The following ASIC2 variants were observed in gnomAD, a reference collection of about 807,000 sequenced individuals.
The protein encoded by ASIC2 is acid sensing ion channel subunit 2, also known as acid-sensing ion channel 2.
A neutral mutation model predicts 57.3 loss-of-function variants in ASIC2; 25 were observed. That is an observed-to-expected ratio of 0.44 (90% CI 0.32 to 0.61). The LOEUF is 0.61. Among genes scored for constraint, ASIC2 ranks in the 20% least tolerant of loss-of-function variants. The pLI, the probability that ASIC2 is intolerant of heterozygous loss-of-function variation, is 0.06. For missense variants in ASIC2, 641 were observed against 738.1 expected (o/e 0.87, Z 1.52); for synonymous variants, 319 against 307.5 (o/e 1.04, Z -0.39).
At chr17:33,751,362 A>AT (rs1480297479) in intron 1 of ASIC2, among the ~76,000 whole-genome samples, 2 of 151,516 alleles carry the variant, frequency 1.3e-5, no homozygotes, top group Non-Finnish European at 3.0e-5. Flanking sequence ...AAAACAAAGT[A>AT]TTTTGGTTTC....
chr17:33,156,052 A>C (rs1904992350), intron 1 of ASIC2, among the ~76,000 whole-genome samples: 1 of 152,114 alleles, frequency 6.6e-6, no homozygotes, highest in Non-Finnish European at 1.5e-5. Context: ...CACAGCTTTT[A>C]AAATCTGTCA....
intron 1 of ASIC2, among the ~76,000 whole-genome samples, chr17:33,320,986 C>T (rs1906847104): frequency 6.6e-6 from 1 of 152,278 alleles, no homozygotes; most frequent in Non-Finnish European, 1.5e-5. Context: ...TGGAAGGTCA[C>T]CTCATCACTT....
At chr17:33,602,373 C>T (rs1232369812) in intron 1 of ASIC2, among the ~76,000 whole-genome samples, 1 of 152,144 alleles carries the variant, frequency 6.6e-6, no homozygotes, top group Non-Finnish European at 1.5e-5. Context: ...AAATTAATGT[C>T]ATTATCCCAG....
At chr17:33,607,371 C>T (rs1316041455) in intron 1 of ASIC2, among the ~76,000 whole-genome samples, 2 of 152,116 alleles carry the variant, frequency 1.3e-5, no homozygotes, top group Admixed American at 1.3e-4. Flanking sequence ...CCTACTAGGG[C>T]CAGGCTCTGG....
intron 1 of ASIC2, among the ~76,000 whole-genome samples, chr17:34,079,647 T>C (rs976838932): frequency 3.3e-5 from 5 of 152,230 alleles, no homozygotes; most frequent in African/African-American, 1.2e-4. Context: ...AACACAGGAC[T>C]GACACCCAAA....
At chr17:33,585,068 C>T (rs1199679975) in intron 1 of ASIC2, among the ~76,000 whole-genome samples, 2 of 152,190 alleles carry the variant, frequency 1.3e-5, no homozygotes, top group African/African-American at 4.8e-5. Flanking sequence ...CAGCCTCCTT[C>T]CCTCCAGCCT....
intron 1 of ASIC2, among the ~76,000 whole-genome samples, chr17:33,878,461 C>T (rs1196137746): frequency 1.3e-5 from 2 of 152,116 alleles, no homozygotes; most frequent in East Asian, 3.9e-4. Flanking sequence ...GTGACAAATG[C>T]ACAAGCCTCA....
chr17:33,774,816 A>G (rs987787322), intron 1 of ASIC2, among the ~76,000 whole-genome samples: 1 of 152,206 alleles, frequency 6.6e-6, no homozygotes, highest in Non-Finnish European at 1.5e-5. Flanking sequence ...CCTAGACTGA[A>G]TATCTTTATG....
chr17:33,745,508 CAA>C (rs1009345844), intron 1 of ASIC2, among the ~76,000 whole-genome samples: 15 of 114,428 alleles, frequency 1.3e-4, no homozygotes, highest in African/African-American at 2.9e-4. Flanking sequence ...TGCTGAAAGT[CAA>C]AGTCAAAAAA....
At chr17:33,769,078 G>A (rs1911019209) in intron 1 of ASIC2, among the ~76,000 whole-genome samples, 1 of 152,152 alleles carries the variant, frequency 6.6e-6, no homozygotes, top group Admixed American at 6.5e-5. Flanking sequence ...AAAAGCTCGG[G>A]ACTCACTGAG....
chr17:34,122,795 G>A (rs1208348754), intron 1 of ASIC2, among the ~76,000 whole-genome samples: 1 of 152,192 alleles, frequency 6.6e-6, no homozygotes, highest in African/African-American at 2.4e-5. Context: ...TGCTCAGGGA[G>A]AGATAAATCA....
chr17:33,220,475 A>G lies in ASIC2; in HGVS notation c.708+70933T>C, dbSNP rs879304988. Among the ~76,000 whole-genome samples, 138 of 152,216 alleles carry G rather than the reference A, an allele frequency of 9.1e-4. 1 individual carries two copies. The highest frequency in any genetic ancestry group is 4.6e-4 in the Admixed American group (7 of 15,282). On this transcript the variant is annotated intron_variant, in intron 1 of 9. Transcript: ENST00000225823. ...TTGGGAGAAGTGAATACACCTGGAA[A>G]GGACAGGAGACTCGAGGCTTTGGGT...
chr17:33,268,392 T>G (rs1214406731), intron 1 of ASIC2, among the ~76,000 whole-genome samples: 1 of 151,452 alleles, frequency 6.6e-6, no homozygotes, highest in Non-Finnish European at 1.5e-5. Flanking sequence ...CATCCATCCA[T>G]CTATACATTT....
chr17:33,108,220 A>T (rs2092242852), intron 2 of ASIC2, among the ~76,000 whole-genome samples: 1 of 152,062 alleles, frequency 6.6e-6, no homozygotes, highest in Admixed American at 6.5e-5. Context: ...TGGTCATGCC[A>T]TTTTCTCTGT....
intron 3 of ASIC2, among the ~76,000 whole-genome samples, chr17:33,043,675 A>T (rs1370075016): frequency 6.6e-6 from 1 of 152,184 alleles, no homozygotes; most frequent in Non-Finnish European, 1.5e-5. Context: ...AACAGACAAA[A>T]CTTATTATGT....
intron 1 of ASIC2, among the ~76,000 whole-genome samples, chr17:33,530,362 AGCAT>A (rs1915013877): frequency 6.6e-6 from 1 of 152,226 alleles, no homozygotes; most frequent in Admixed American, 6.5e-5. Context: ...CTTTATTCCT[AGCAT>A]GCTTGGGCTG....
At chr17:33,190,179 T>C (rs1906357504) in intron 1 of ASIC2, among the ~76,000 whole-genome samples, 1 of 152,176 alleles carries the variant, frequency 6.6e-6, no homozygotes, top group Admixed American at 6.5e-5. Context: ...AATAAATGTG[T>C]TTAGTAAGGC....
intron 1 of ASIC2, among the ~76,000 whole-genome samples, chr17:34,018,274 G>C (rs1050250200): frequency 2.6e-5 from 4 of 152,156 alleles, no homozygotes; most frequent in Non-Finnish European, 5.9e-5. Flanking sequence ...TTTACAGCAT[G>C]GTTTACTGAA....
intron 1 of ASIC2, among the ~76,000 whole-genome samples, chr17:33,674,823 G>A (rs140506505): frequency 5.5e-4 from 84 of 152,272 alleles, no homozygotes; most frequent in South Asian, 4.1e-3. Context: ...GTAGCACAAA[G>A]AGCTCAGAAG....
Sources: allele counts gnomAD v4.1 joint callset (sites outside exome capture counted in the v4.1 genomes callset), GRCh38; gene constraint gnomAD v4.1.1; transcripts MANE v1.5; gene names NCBI Gene and HGNC (gene_info 2026-07-23, HGNC 2026-07-21).